Variants in KIF24 observed in about 807,000 individuals in gnomAD.
KIF24 encodes the protein kinesin family member 24, also known as kinesin-like protein KIF24.
KIF24 carries 81 observed loss-of-function variants against 118.9 expected under a neutral mutation model. The observed-to-expected ratio is 0.68, with a 90% CI of 0.57 to 0.82. The LOEUF is 0.82. KIF24 is among the 40% of genes least tolerant of loss of function. KIF24 has a pLI of 0.00. For synonymous variants in KIF24, 599 were observed against 610.0 expected (o/e 0.98, Z 0.27); for missense variants, 1,560 against 1,661.6 (o/e 0.94, Z 1.06).
intron 5 of KIF24, among the ~76,000 whole-genome samples, chr9:34,288,886 A>G (rs1836150582): frequency 7.2e-6 from 1 of 138,784 alleles, no homozygotes; most frequent in Non-Finnish European, 1.6e-5. Context: ...ACACACACAC[A>G]CACACACAGC....
intron 6 of KIF24, among the ~76,000 whole-genome samples, chr9:34,280,605 G>A (rs976576128): frequency 6.6e-6 from 1 of 152,090 alleles, no homozygotes; most frequent in Admixed American, 6.5e-5. Flanking sequence ...AATGGTCACA[G>A]CCCCAGGGCA....
At chr9:34,333,460 C>G (rs34858371), upstream of KIF24, among the ~76,000 whole-genome samples, 119 of 151,824 alleles carry the variant, frequency 7.8e-4, 1 homozygote, top group Middle Eastern at 0.02. Context: ...GACCCCATCT[C>G]TACAAAAAAA....
rs550519765 is a variant in KIF24, at chr9:34,262,995, G to C, written c.1515+106C>G. The stretch of plus-strand genomic sequence containing the variant: ...CCTTCTCTTTTCCCCACTGTGCCCA[G>C]CATCATGTCTTACTGACAGTGGATG... On this transcript the variant is annotated intron_variant, in intron 9 of 12. Transcript: ENST00000402558. 16 of 809,326 alleles carry C rather than the reference G, an allele frequency of 2.0e-5. No homozygotes were observed. The African/African-American group carries it at 2.5e-4, about 13-fold the overall frequency. 50.1% of individuals were successfully genotyped at this position (809,326 alleles called of 1,614,324 possible). A position where few individuals can be genotyped will look rare whatever the true frequency, so the allele number is the denominator to read the frequency against.
At chr9:34,330,761 A>T (rs1837897389), upstream of KIF24, among the ~76,000 whole-genome samples, 1 of 152,116 alleles carries the variant, frequency 6.6e-6, no homozygotes, top group Admixed American at 6.5e-5. Flanking sequence ...GGAGATCGAG[A>T]CCATCCTGGC....
At position 34,256,847 on chromosome 9, in the gene KIF24, G is replaced by GC. The variant is rs758667875; in HGVS notation, c.2759dup (p.Ser920ArgfsTer30). Reference sequence around the variant, plus strand: ...GCCCTGAGGAAGTAGAGTTCTCTCTGCTCCAGTCCACGGGCCCCTTACTTG... The same window carrying GC: ...GCCCTGAGGAAGTAGAGTTCTCTCTGCCTCCAGTCCACGGGCCCCTTACTTG... On this transcript the variant is annotated frameshift_variant, in exon 11 of 13. Coordinates refer to ENST00000402558, the MANE Select transcript of KIF24 (RefSeq NM_194313.4). LOFTEE classifies it high-confidence loss of function. The GC allele has an allele frequency of 5.0e-6, 8 of 1,613,988 alleles. No individual in the cohort carries two copies. Among genetic ancestry groups the GC allele is most frequent in the Non-Finnish European group, 5.1e-6 (6 of 1,179,900 alleles).
intron 6 of KIF24, among the ~76,000 whole-genome samples, chr9:34,283,482 T>TTCA (rs1339602201): frequency 1.3e-5 from 2 of 152,096 alleles, no homozygotes; most frequent in Non-Finnish European, 2.9e-5. Flanking sequence ...AAGGTGAATG[T>TTCA]TACGGTATAT....
At chr9:34,287,034 A>C (rs1056893172) in intron 5 of KIF24, among the ~76,000 whole-genome samples, 4 of 152,194 alleles carry the variant, frequency 2.6e-5, no homozygotes, top group Non-Finnish European at 4.4e-5. Flanking sequence ...CAATCAAAGT[A>C]AAGTCCTGGT....
chr9:34,265,519 G>A (rs1227172780), intron 8 of KIF24, among the ~76,000 whole-genome samples: 1 of 152,010 alleles, frequency 6.6e-6, no homozygotes, highest in African/African-American at 2.4e-5. Flanking sequence ...AATAAATAAG[G>A]CAATTCGTAA....
In KIF24 at chr9:34,256,898, T is replaced by C; in HGVS notation, c.2709A>G (p.Arg903=). Residue 903 remains arginine, a synonymous_variant, in exon 11 of 13, where the codon AGA becomes AGG. Transcript: ENST00000402558. ...VDSRDPINHR[R]AALDHSCSPS... Reference sequence around the variant, plus strand: ...GGCTGCAGCTGTGATCGAGTGCTGCTCTTCTGTGGTTTATGGGGTCCCTGG... The same window carrying C: ...GGCTGCAGCTGTGATCGAGTGCTGCCCTTCTGTGGTTTATGGGGTCCCTGG... 1 of 1,613,964 alleles carries C rather than the reference T, an allele frequency of 6.2e-7. No homozygotes were observed.
In KIF24 at chr9:34,256,282, T is replaced by C; in HGVS notation, c.3325A>G (p.Thr1109Ala). 6.2e-7 allele frequency: 1 copy of C among 1,611,130 alleles called. No homozygotes were observed. The highest frequency in any genetic ancestry group is 8.5e-7 in the Non-Finnish European group (1 of 1,178,438). The change falls in exon 11 of 13, where the codon ACT becomes GCT. Residue 1109 changes from threonine (T) to alanine (A), a missense_variant. Thr to Ala is a moderately conservative substitution (Grantham distance 58). This residue lies in a region of KIF24 where 591 missense variants were observed against 655.6 expected (regional missense o/e 0.90). Coordinates refer to ENST00000402558, the MANE Select transcript of KIF24 (RefSeq NM_194313.4). ...GATGAGGACAGCCACAGGTGCCTAG[T>C]TGCTGAAGACACTGGCAAGGCTGCC... ...QEAALPVSSA[T>A]RHLWLSSSPP...
chr9:34,329,267 A>C lies in KIF24; in HGVS notation c.-187T>G, dbSNP rs754859076. ...GCAACGCCGCCAAGCGCCAGTTCGAACGCCCGCGCTGTGGCCCGCGCGTCG... is the reference window on the plus strand; with the variant it reads ...GCAACGCCGCCAAGCGCCAGTTCGACCGCCCGCGCTGTGGCCCGCGCGTCG... On this transcript the variant is annotated 5_prime_UTR_variant, in exon 1 of 13. Transcript: ENST00000402558. 1.3e-5 allele frequency among the ~76,000 whole-genome samples: 2 copies of C among 152,168 alleles called. No homozygotes were observed. Among genetic ancestry groups the C allele is most frequent in the Non-Finnish European group, 2.9e-5 (2 of 68,030 alleles).
intron 8 of KIF24, among the ~76,000 whole-genome samples, chr9:34,268,728 G>T (rs562576731): frequency 6.6e-6 from 1 of 151,862 alleles, no homozygotes; most frequent in East Asian, 1.9e-4. Context: ...GTCTTGTCTC[G>T]AACTCCTGAC....
intron 7 of KIF24, among the ~76,000 whole-genome samples, chr9:34,270,370 GC>G (rs1835456990): frequency 6.6e-6 from 1 of 151,434 alleles, no homozygotes; most frequent in Non-Finnish European, 1.5e-5. Context: ...CAAAAAATTA[GC>G]CAGGCGTGGT....
At chr9:34,282,235 A>G (rs535947740) in intron 6 of KIF24, among the ~76,000 whole-genome samples, 3 of 152,256 alleles carry the variant, frequency 2.0e-5, no homozygotes, top group South Asian at 4.1e-4. Flanking sequence ...ATGCTGCAAC[A>G]TGAATGAACT....
chr9:34,333,226 G>A (rs971608132), upstream of KIF24, among the ~76,000 whole-genome samples: 2 of 151,990 alleles, frequency 1.3e-5, no homozygotes, highest in African/African-American at 2.4e-5. Flanking sequence ...AGTCTTCTTC[G>A]GATACCAGGA....
chr9:34,313,730 C>T (rs114368002), intron 1 of KIF24, among the ~76,000 whole-genome samples: 72 of 146,988 alleles, frequency 4.9e-4, no homozygotes, highest in African/African-American at 1.7e-3. Flanking sequence ...TAGCTTCCCC[C>T]GTTATCTGTT....
intron 5 of KIF24, among the ~76,000 whole-genome samples, chr9:34,288,077 T>G (rs1039398305): frequency 3.3e-5 from 5 of 152,134 alleles, no homozygotes; most frequent in Admixed American, 6.5e-5. Flanking sequence ...TATCCTCTAC[T>G]TCTAGGAATT....
intron 3 of KIF24, among the ~76,000 whole-genome samples, chr9:34,301,304 G>A (rs1836697303): frequency 1.3e-5 from 2 of 152,206 alleles, no homozygotes; most frequent in African/African-American, 2.4e-5. Flanking sequence ...CTGGAGTGCA[G>A]GGGTGTGATC....
chr9:34,290,524 A>C, intron 4 of KIF24, 135 bp from the exon 5 acceptor site: 2 of 554,560 alleles, frequency 3.6e-6, no homozygotes, highest in Non-Finnish European at 6.4e-6. Flanking sequence ...TAAACCTTTA[A>C]GGAGAAGAGG....
Sources: gnomAD v4.1 joint callset for allele counts (sites outside exome capture counted in the v4.1 genomes callset) on GRCh38, gnomAD v4.1.1 for gene constraint, gnomAD v4.1.1 regional missense constraint, MANE v1.5 for transcripts, NCBI Gene and HGNC (gene_info 2026-07-23, HGNC 2026-07-21) for gene names.